LRRC4C: variants seen among roughly 807,000 people sequenced by gnomAD.
LRRC4C encodes leucine rich repeat containing 4C.
LRRC4C carries 5 observed loss-of-function variants against 33.6 expected under a neutral mutation model. That is an observed-to-expected ratio of 0.15 (90% CI 0.08 to 0.31). The LOEUF (loss-of-function observed/expected upper bound fraction) is 0.31, where lower values mean the gene tolerates loss of function less well. LRRC4C is among the 10% of genes least tolerant of loss of function. The pLI is 1.00. For missense variants in LRRC4C, 560 were observed against 796.7 expected, an observed-to-expected ratio of 0.70 and a Z score of 3.58; for synonymous variants, 329 against 302.0, an observed-to-expected ratio of 1.09 and a Z score of -0.93.
At chr11:41,261,036 C>A (rs1386363067) in intron 1 of LRRC4C, among the ~76,000 whole-genome samples, 1 of 152,068 alleles carries the variant, frequency 6.6e-6, no homozygotes, top group Non-Finnish European at 1.5e-5. Context: ...AATGGAGGAT[C>A]TGCTGTTTTG....
At chr11:40,196,369 C>T (rs868568993) in intron 5 of LRRC4C, among the ~76,000 whole-genome samples, 6 of 152,196 alleles carry the variant, frequency 3.9e-5, no homozygotes, top group Admixed American at 1.3e-4. Flanking sequence ...GGAAAACCAG[C>T]CAGAACCATT....
chr11:40,350,055 G>A (rs183001032), intron 3 of LRRC4C, among the ~76,000 whole-genome samples: 2 of 152,166 alleles, frequency 1.3e-5, no homozygotes, highest in Non-Finnish European at 2.9e-5. Flanking sequence ...TCTTCAATCT[G>A]ATGATTGTTT....
At chr11:40,611,402 C>T (rs746565041) in intron 3 of LRRC4C, among the ~76,000 whole-genome samples, 3 of 151,840 alleles carry the variant, frequency 2.0e-5, no homozygotes, top group African/African-American at 7.2e-5. Context: ...AGCCCTGAAG[C>T]TATAAAACTC....
chr11:40,326,305 T>A (rs547746267), intron 3 of LRRC4C, among the ~76,000 whole-genome samples: 1 of 152,272 alleles, frequency 6.6e-6, no homozygotes, highest in African/African-American at 2.4e-5. Flanking sequence ...GGCTCATGCC[T>A]GTAATCCCAG....
chr11:40,447,046 C>G (rs1334467827), intron 3 of LRRC4C: 1 of 159,222 alleles, frequency 6.3e-6, no homozygotes, highest in Non-Finnish European at 1.5e-5. Flanking sequence ...CCCAAGGATA[C>G]CAGCAGGTCT....
rs370574515 is a variant in LRRC4C at position 41,411,142 on chromosome 11, A to ATTTTTTTTTTT, written c.-496+48278_-496+48288dup. Among the ~76,000 whole-genome samples, 74 of 57,234 alleles carry ATTTTTTTTTTT rather than the reference A, an allele frequency of 1.3e-3. 12 individuals are homozygous for ATTTTTTTTTTT. Among genetic ancestry groups the ATTTTTTTTTTT allele is most frequent in the African/African-American group, 4.1e-3 (35 of 8,610 alleles). 37.5% of individuals were successfully genotyped at this position (57,234 alleles called of 152,430 possible). Reference sequence around the variant, plus strand: ...ATGAGAAACACTTGGTTGGTACCCTATTTTTTTTTTTTTTTTTTTTTTTTG... The same window carrying ATTTTTTTTTTT: ...ATGAGAAACACTTGGTTGGTACCCTATTTTTTTTTTTTTTTTTTTTTTTTTTTTTTTTTTTG... On this transcript the variant is annotated intron_variant, in intron 1 of 6. Coordinates refer to ENST00000528697, the MANE Select transcript of LRRC4C (RefSeq NM_001258419.2).
intron 1 of LRRC4C, among the ~76,000 whole-genome samples, chr11:40,967,914 G>A (rs1008049974): frequency 1.5e-4 from 22 of 151,682 alleles, no homozygotes; most frequent in African/African-American, 4.6e-4. Context: ...GCTACCAATC[G>A]CTTACTAGTG....
chr11:40,283,506 T>C (rs547969994), intron 4 of LRRC4C, among the ~76,000 whole-genome samples: 24 of 151,984 alleles, frequency 1.6e-4, no homozygotes, highest in Non-Finnish European at 3.2e-4. Flanking sequence ...AACTTAATCT[T>C]AACAATAAGA....
At chr11:41,170,911 AAAAC>A (rs1944945729) in intron 1 of LRRC4C, among the ~76,000 whole-genome samples, 1 of 152,226 alleles carries the variant, frequency 6.6e-6, no homozygotes, top group Non-Finnish European at 1.5e-5. Context: ...TTTACAAGAA[AAAAC>A]AAACAACCCC....
At chr11:41,054,923 T>C (rs1858508601) in intron 1 of LRRC4C, among the ~76,000 whole-genome samples, 1 of 152,214 alleles carries the variant, frequency 6.6e-6, no homozygotes. Context: ...GTACACCGAC[T>C]TGTATTGTAA....
intron 1 of LRRC4C, among the ~76,000 whole-genome samples, chr11:41,058,153 T>G (rs4756632): frequency 0.082 from 12,423 of 152,276 alleles, 635 homozygotes; most frequent in East Asian, 0.2. Flanking sequence ...AAAGAAGAAC[T>G]GCGATTCTTC....
intron 3 of LRRC4C, among the ~76,000 whole-genome samples, chr11:40,480,884 A>G (rs1444243599): frequency 6.6e-6 from 1 of 151,982 alleles, no homozygotes; most frequent in Non-Finnish European, 1.5e-5. Flanking sequence ...AAAAAGGCAA[A>G]CTCATAGAAG....
intron 1 of LRRC4C, among the ~76,000 whole-genome samples, chr11:41,375,354 C>T (rs1033459747): frequency 6.6e-6 from 1 of 152,020 alleles, no homozygotes; most frequent in Non-Finnish European, 1.5e-5. Flanking sequence ...ATGCTTAAGG[C>T]AGAGAGTGGA....
intron 1 of LRRC4C, among the ~76,000 whole-genome samples, chr11:41,362,630 C>T (rs1426421496): frequency 6.6e-6 from 1 of 152,072 alleles, no homozygotes; most frequent in Non-Finnish European, 1.5e-5. Context: ...AAAAATGTGT[C>T]TTAAATTCAA....
chr11:41,242,050 T>G (rs2136557532), intron 1 of LRRC4C, among the ~76,000 whole-genome samples: 1 of 152,296 alleles, frequency 6.6e-6, no homozygotes, highest in East Asian at 1.9e-4. Flanking sequence ...CTTTTCCCTC[T>G]TACAAAATCA....
At chr11:40,886,372 G>A (rs1488228954) in intron 2 of LRRC4C, among the ~76,000 whole-genome samples, 1 of 148,930 alleles carries the variant, frequency 6.7e-6, no homozygotes, top group Admixed American at 6.8e-5. Flanking sequence ...TGCAATAGAA[G>A]TGCTACTGTA....
intron 1 of LRRC4C, among the ~76,000 whole-genome samples, chr11:41,103,753 C>G (rs1941337469): frequency 6.6e-6 from 1 of 151,838 alleles, no homozygotes; most frequent in South Asian, 2.1e-4. Flanking sequence ...CTATAGGAAT[C>G]AAGAGAGTAT....
At chr11:40,936,018 A>ATT (rs1439906210) in intron 1 of LRRC4C, among the ~76,000 whole-genome samples, 13 of 21,328 alleles carry the variant, frequency 6.1e-4, no homozygotes, top group Non-Finnish European at 3.4e-4. Context: ...CAAATTTTAT[A>ATT]TATATATATA....
intron 1 of LRRC4C, among the ~76,000 whole-genome samples, chr11:41,274,429 G>A (rs1949414821): frequency 6.6e-6 from 1 of 152,094 alleles, no homozygotes; most frequent in Admixed American, 6.6e-5. Context: ...AATGATGGTG[G>A]CGAGAAGCAG....
Sources: gnomAD v4.1 joint callset for allele counts (sites outside exome capture counted in the v4.1 genomes callset) on GRCh38, gnomAD v4.1.1 for gene constraint, MANE v1.5 for transcripts, NCBI Gene and HGNC (gene_info 2026-07-23, HGNC 2026-07-21) for gene names.